The following EPHA6 variants were observed in gnomAD, a reference collection of about 807,000 sequenced individuals.
The protein encoded by EPHA6 is EPH receptor A6, also known as ephrin type-A receptor 6.
Under a neutral mutation model 112.0 loss-of-function variants are expected in EPHA6, and 50 were observed. The observed-to-expected ratio is 0.45, with a 90% CI of 0.36 to 0.56. EPHA6 has a LOEUF of 0.56. EPHA6 is among the 20% of genes least tolerant of loss of function. EPHA6 has a pLI of 0.00. For synonymous variants in EPHA6, 529 were observed against 490.7 expected (o/e 1.08, Z -1.03); for missense variants, 1,280 against 1,417.4 (o/e 0.90, Z 1.56).
intron 5 of EPHA6, among the ~76,000 whole-genome samples, chr3:97,304,487 T>C (rs990098239): frequency 4.6e-5 from 7 of 150,916 alleles, no homozygotes; most frequent in African/African-American, 7.3e-5. Context: ...TTTTCCAACT[T>C]CAAACTATAC....
intron 3 of EPHA6, among the ~76,000 whole-genome samples, chr3:97,207,120 T>C (rs1363100938): frequency 6.6e-6 from 1 of 152,112 alleles, no homozygotes; most frequent in African/African-American, 2.4e-5. Flanking sequence ...TCTTTGATAA[T>C]GGATACAGTA....
chr3:97,138,668 A>G (rs1475205533), intron 3 of EPHA6, among the ~76,000 whole-genome samples: 2 of 152,214 alleles, frequency 1.3e-5, no homozygotes, highest in Non-Finnish European at 2.9e-5. Flanking sequence ...TTTGTAATCT[A>G]ATCTCAAACC....
At chr3:96,881,607 T>A (rs2037318989) in intron 2 of EPHA6, among the ~76,000 whole-genome samples, 2 of 152,098 alleles carry the variant, frequency 1.3e-5, no homozygotes, top group Admixed American at 1.3e-4. Context: ...CTGGCCCCTG[T>A]CAAATCTCAT....
intron 3 of EPHA6, among the ~76,000 whole-genome samples, chr3:97,113,181 A>G (rs1182532297): frequency 6.6e-6 from 1 of 152,080 alleles, no homozygotes; most frequent in Non-Finnish European, 1.5e-5. Context: ...AAAATTACCT[A>G]TATTACCATT....
At chr3:97,194,276 A>AT (rs35095438) in intron 3 of EPHA6, among the ~76,000 whole-genome samples, 6 of 149,182 alleles carry the variant, frequency 4.0e-5, no homozygotes, top group African/African-American at 1.2e-4. Flanking sequence ...TTTCATTTTC[A>AT]TTTTTTTTCA....
Position 97,574,210 on chromosome 3 carries a change from C to T in EPHA6, c.2387-18402C>T, listed in dbSNP as rs2093361358. 2.6e-5 allele frequency among the ~76,000 whole-genome samples: 4 copies of T among 151,976 alleles called. 1 individual carries two copies. The highest frequency in any genetic ancestry group is 1.3e-4 in the Admixed American group (2 of 15,254). On this transcript the variant is annotated intron_variant, in intron 11 of 17. Coordinates refer to ENST00000389672, the MANE Select transcript of EPHA6 (RefSeq NM_001080448.3). ...AGAGAAATGGTTTTAATACCCTATC[C>T]TAAAGGCTGAATTTATAAAGTCATT...
chr3:97,137,476 G>A (rs190039978), intron 3 of EPHA6, among the ~76,000 whole-genome samples: 1 of 152,172 alleles, frequency 6.6e-6, no homozygotes, highest in Non-Finnish European at 1.5e-5. Context: ...TATCATAATT[G>A]AGCCTACAAA....
intron 3 of EPHA6, among the ~76,000 whole-genome samples, chr3:97,111,945 A>C (rs2047736073): frequency 6.6e-6 from 1 of 152,284 alleles, no homozygotes; most frequent in South Asian, 2.1e-4. Flanking sequence ...CAAAGAAATA[A>C]GAAATATTAT....
intron 5 of EPHA6, among the ~76,000 whole-genome samples, chr3:97,257,542 A>G (rs2079356854): frequency 6.6e-6 from 1 of 152,024 alleles, no homozygotes; most frequent in Non-Finnish European, 1.5e-5. Flanking sequence ...GAAAATGGTA[A>G]TGCTCTGACT....
chr3:97,732,160 A>C (rs929375958), intron 15 of EPHA6, among the ~76,000 whole-genome samples: 1 of 151,846 alleles, frequency 6.6e-6, no homozygotes, highest in Non-Finnish European at 1.5e-5. Flanking sequence ...CTCAAGAAAC[A>C]TAATTTTACG....
chr3:96,905,099 T>C (rs1032977038), intron 2 of EPHA6, among the ~76,000 whole-genome samples: 1 of 152,138 alleles, frequency 6.6e-6, no homozygotes, highest in African/African-American at 2.4e-5. Context: ...TGTTTTAAAA[T>C]GTTAATTGCC....
At chr3:97,055,738 C>T (rs2045831309) in intron 3 of EPHA6, among the ~76,000 whole-genome samples, 1 of 152,048 alleles carries the variant, frequency 6.6e-6, no homozygotes, top group Admixed American at 6.6e-5. Context: ...TATTAAATAG[C>T]ATTTTCATAT....
intron 2 of EPHA6, among the ~76,000 whole-genome samples, chr3:96,938,538 A>G (rs1341655849): frequency 6.6e-6 from 1 of 152,202 alleles, no homozygotes; most frequent in Non-Finnish European, 1.5e-5. Context: ...TAGATATACA[A>G]TCATGTCATC....
At chr3:97,397,485 A>G (rs915902742) in intron 5 of EPHA6, among the ~76,000 whole-genome samples, 1 of 151,604 alleles carries the variant, frequency 6.6e-6, no homozygotes, top group African/African-American at 2.4e-5. Context: ...AAAATTCTAT[A>G]TATTGTTGGC....
intron 6 of EPHA6, among the ~76,000 whole-genome samples, chr3:97,446,304 CTGA>C (rs575193611): frequency 0.013 from 1,954 of 152,198 alleles, 34 homozygotes; most frequent in African/African-American, 0.044. Flanking sequence ...GTGATTCGGG[CTGA>C]AGAACCCCTT....
At chr3:97,736,538 C>CTA (rs2035270982) in intron 16 of EPHA6, among the ~76,000 whole-genome samples, 1 of 143,130 alleles carries the variant, frequency 7.0e-6, no homozygotes, top group Admixed American at 7.2e-5. Flanking sequence ...CTTGCCTATT[C>CTA]TATGTTCTGT....
At chr3:97,031,987 C>T (rs1326987142) in intron 3 of EPHA6, among the ~76,000 whole-genome samples, 4 of 152,114 alleles carry the variant, frequency 2.6e-5, no homozygotes, top group Admixed American at 2.0e-4. Flanking sequence ...GCTATAAAGA[C>T]ACATGCACAC....
chr3:97,313,749 T>A (rs1397629432), intron 5 of EPHA6, among the ~76,000 whole-genome samples: 2 of 151,728 alleles, frequency 1.3e-5, no homozygotes, highest in East Asian at 3.9e-4. Context: ...TTTGAGTTGA[T>A]ACGTTCCTTA....
intron 5 of EPHA6, among the ~76,000 whole-genome samples, chr3:97,272,039 C>T (rs1280633393): frequency 6.6e-6 from 1 of 151,994 alleles, no homozygotes; most frequent in African/African-American, 2.4e-5. Flanking sequence ...TTTATTTATC[C>T]TACATAACTA....
Sources: gnomAD v4.1 joint callset for allele counts (sites outside exome capture counted in the v4.1 genomes callset) on GRCh38, gnomAD v4.1.1 for gene constraint, MANE v1.5 for transcripts, NCBI Gene and HGNC (gene_info 2026-07-23, HGNC 2026-07-21) for gene names.